Variants in PBX1 observed in about 807,000 individuals in gnomAD.
PBX1 encodes PBX homeobox 1, also known as pre-B-cell leukemia transcription factor 1.
A neutral mutation model predicts 53.4 loss-of-function variants in PBX1; 6 were observed. The ratio of observed to expected loss-of-function variants is 0.11; its 90% CI spans 0.06 to 0.22. The LOEUF (loss-of-function observed/expected upper bound fraction) is 0.22. PBX1 is among the 10% of genes least tolerant of loss of function. The pLI is 1.00. For synonymous variants in PBX1, 204 were observed against 212.3 expected (o/e 0.96, Z 0.34); for missense variants, 251 against 551.4 (o/e 0.46, Z 5.46).
chr1:164,587,123 C>T (rs1655003161), intron 2 of PBX1, among the ~76,000 whole-genome samples: 1 of 152,182 alleles, frequency 6.6e-6, no homozygotes, highest in African/African-American at 2.4e-5. Context: ...CCCGGTTTTA[C>T]ATAACTGGGA....
At chr1:164,776,978 A>AGATGGGAGGTGT (rs1553244687) in intron 2 of PBX1, among the ~76,000 whole-genome samples, 1 of 46,480 alleles carries the variant, frequency 2.2e-5, no homozygotes, top group African/African-American at 1.2e-4. Flanking sequence ...AGAGAGAGAG[A>AGATGGGAGGTGT]GGAGGTGTGG....
intron 2 of PBX1, among the ~76,000 whole-genome samples, chr1:164,697,888 A>G (rs1267385021): frequency 6.6e-6 from 1 of 152,166 alleles, no homozygotes; most frequent in Non-Finnish European, 1.5e-5. Context: ...TTGGAATTGA[A>G]CTAGACAAGA....
chr1:164,670,741 A>G (rs1661067137), intron 2 of PBX1, among the ~76,000 whole-genome samples: 1 of 151,696 alleles, frequency 6.6e-6, no homozygotes, highest in Non-Finnish European at 1.5e-5. Context: ...TAGCAGAGAG[A>G]GGAAAAAGAA....
chr1:164,627,523 C>T (rs1571099437), intron 2 of PBX1, among the ~76,000 whole-genome samples: 1 of 152,072 alleles, frequency 6.6e-6, no homozygotes, highest in Admixed American at 6.6e-5. Context: ...TGAGAATGGA[C>T]CCGCAGCATC....
At chr1:164,672,130 G>A (rs994729552) in intron 2 of PBX1, among the ~76,000 whole-genome samples, 13 of 149,774 alleles carry the variant, frequency 8.7e-5, no homozygotes, top group African/African-American at 2.5e-4. Flanking sequence ...CCCTGTATAC[G>A]AACAGTCATG....
chr1:164,623,823 T>A (rs900754117), intron 2 of PBX1, among the ~76,000 whole-genome samples: 7 of 152,338 alleles, frequency 4.6e-5, no homozygotes, highest in Non-Finnish European at 8.8e-5. Flanking sequence ...TCAAGAGACA[T>A]GTTAATGATA....
intron 2 of PBX1, among the ~76,000 whole-genome samples, chr1:164,597,721 G>A (rs997620924): frequency 2.6e-5 from 4 of 151,896 alleles, no homozygotes; most frequent in African/African-American, 9.7e-5. Flanking sequence ...CTTCGTTTTG[G>A]GGTCTCGCAG....
At position 164,862,020 on chromosome 1, in the gene PBX1, A is replaced by G. The variant is rs554895508; in HGVS notation, n.257+30537A>G. 2.1e-4 allele frequency among the ~76,000 whole-genome samples: 32 copies of G among 152,264 alleles called. No homozygotes were observed. The South Asian group carries it at 3.9e-3, about 19-fold the overall frequency. On this transcript the variant is annotated intron_variant and non_coding_transcript_variant, in intron 2 of 2. Coordinates refer to the PBX1 transcript ENST00000558796. ...CAACTTTAGCTATTCTTTTGAGTGA[A>G]CCTGGAGGCCTTGGAATGTTTGGGA... is the stretch of plus-strand genomic sequence containing the variant.
chr1:164,729,218 T>G (rs1458765933), intron 2 of PBX1, among the ~76,000 whole-genome samples: 3 of 152,244 alleles, frequency 2.0e-5, no homozygotes, highest in South Asian at 4.1e-4. Context: ...GAAATTAATC[T>G]TAGACTGCCT....
At position 164,795,054 on chromosome 1, in the gene PBX1, TC is replaced by T. The variant is rs1485839320; in HGVS notation, c.510+2317del. Among the ~76,000 whole-genome samples the T allele has an allele frequency of 5.4e-3, 829 of 152,340 alleles. 8 individuals are homozygous for T. Among genetic ancestry groups the T allele is most frequent in the African/African-American group, 0.019 (781 of 41,564 alleles). Reference sequence around the variant, plus strand: ...AGCCATAGTACATTTTAATAGCATGTCACCAATTACAAAACACTGCGGCTGA... The same window carrying T: ...AGCCATAGTACATTTTAATAGCATGTACCAATTACAAAACACTGCGGCTGA... On this transcript the variant is annotated intron_variant, in intron 3 of 8. Transcript: ENST00000420696.
At chr1:164,581,713 A>C (rs1225788534) in intron 2 of PBX1, among the ~76,000 whole-genome samples, 1 of 152,228 alleles carries the variant, frequency 6.6e-6, no homozygotes, top group African/African-American at 2.4e-5. Flanking sequence ...ACTGTTTAGA[A>C]AACAATACTG....
At chr1:164,665,911 C>T (rs1660778067) in intron 2 of PBX1, among the ~76,000 whole-genome samples, 1 of 152,124 alleles carries the variant, frequency 6.6e-6, no homozygotes, top group Non-Finnish European at 1.5e-5. Flanking sequence ...TACCTAGTTG[C>T]AAGGGAGTCT....
At chr1:164,811,887 A>G (rs1161235775) in intron 5 of PBX1, 103 bp from the exon 6 acceptor site, 4 of 861,252 alleles carry the variant, frequency 4.6e-6, no homozygotes, top group Non-Finnish European at 6.8e-6. Flanking sequence ...GATAAGACCA[A>G]TTAGCTTACC....
At chr1:164,750,260 G>A (rs1666129710) in intron 2 of PBX1, among the ~76,000 whole-genome samples, 2 of 151,670 alleles carry the variant, frequency 1.3e-5, no homozygotes, top group Non-Finnish European at 1.5e-5. Flanking sequence ...ATGTGTATAT[G>A]TCTTTGTGTA....
chr1:164,643,201 G>A (rs1359181298), intron 2 of PBX1, among the ~76,000 whole-genome samples: 3 of 152,158 alleles, frequency 2.0e-5, no homozygotes, highest in African/African-American at 7.2e-5. Context: ...GAAGCCCAAA[G>A]ATAGGAGCAC....
At chr1:164,870,219 TTCC>T (rs1179760640) in intron 2 of PBX1, among the ~76,000 whole-genome samples, 1 of 26,796 alleles carries the variant, frequency 3.7e-5, no homozygotes, top group African/African-American at 1.5e-4. Context: ...TTTTCTTTCT[TTCC>T]TTCCTTCCTT....
chr1:164,754,083 A>G (rs1034941760), intron 2 of PBX1, among the ~76,000 whole-genome samples: 1 of 152,166 alleles, frequency 6.6e-6, no homozygotes, highest in Middle Eastern at 3.2e-3. Context: ...TGGACTGAGC[A>G]GGTGGGGGAC....
At chr1:164,686,735 G>A (rs1376363908) in intron 2 of PBX1, among the ~76,000 whole-genome samples, 1 of 152,082 alleles carries the variant, frequency 6.6e-6, no homozygotes, top group Non-Finnish European at 1.5e-5. Context: ...GAGGCGGGCG[G>A]ATCACGAGGT....
Position 164,849,374 on chromosome 1 carries a change from A to G in PBX1, c.*2698A>G. On this transcript the variant is annotated 3_prime_UTR_variant, in exon 9 of 9. Coordinates refer to ENST00000420696, the MANE Select transcript of PBX1 (RefSeq NM_002585.4). ...CGGCACCCCCGGCAAGCCCACTATC[A>G]CTTCCGACTTCCAACGTGGCATCCG... 1 of 1,535,592 alleles carries G rather than the reference A, an allele frequency of 6.5e-7. No individual in the cohort carries two copies. The highest frequency in any genetic ancestry group is 8.7e-7 in the Non-Finnish European group (1 of 1,146,770).
Sources: allele counts gnomAD v4.1 joint callset (sites outside exome capture counted in the v4.1 genomes callset), GRCh38; gene constraint gnomAD v4.1.1; transcripts MANE v1.5; gene names NCBI Gene and HGNC (gene_info 2026-07-23, HGNC 2026-07-21).